RGS3: variants seen among roughly 807,000 people sequenced by gnomAD.
RGS3 encodes regulator of G protein signaling 3, also known as regulator of G-protein signalling 3.
A neutral mutation model predicts 132.6 loss-of-function variants in RGS3; 80 were observed. The ratio of observed to expected loss-of-function variants is 0.60; its 90% CI spans 0.50 to 0.73. RGS3 has a LOEUF of 0.73. Among genes scored for constraint, RGS3 ranks in the 30% least tolerant of loss-of-function variants. The pLI is 0.00. For missense variants in RGS3, 1,382 were observed against 1,530.8 expected (o/e 0.90, Z 1.62); for synonymous variants, 598 against 620.6 (o/e 0.96, Z 0.54).
At position 113,463,620 on chromosome 9, in the gene RGS3, T is replaced by G. The variant is rs1829527483; in HGVS notation, c.415+1419T>G. 1.3e-5 allele frequency: 12 copies of G among 932,046 alleles called. No homozygotes were observed. The highest frequency in any genetic ancestry group is 6.0e-5 in the East Asian group (1 of 16,754). The allele number at this position is 932,046 out of a possible 1,614,324, so 57.7% of individuals were successfully genotyped here. ...CCCGGCCCAGCTCTGCTCCGGCAGG[T>G]GGAACTCTCCCCATTCAAACCCGCG... On this transcript the variant is annotated intron_variant, in intron 3 of 24. Coordinates refer to ENST00000350696, the Ensembl canonical transcript of RGS3. This position sits in a 1 kb window ranked among gnomAD's most constrained non-coding sequence, Gnocchi z 4.6.
At chr9:113,495,726 T>C in intron 7 of RGS3, 60 bp from the exon 6 acceptor site, 1 of 1,399,372 alleles carries the variant, frequency 7.1e-7, no homozygotes, top group Non-Finnish European at 1.0e-6. Context: ...TACTTGATAA[T>C]GGACCTCCCG....
At chr9:113,543,553 T>C (rs1588228024) in intron 19 of RGS3, among the ~76,000 whole-genome samples, 1 of 152,166 alleles carries the variant, frequency 6.6e-6, no homozygotes, top group African/African-American at 2.4e-5. Context: ...AGCAGCTGGG[T>C]CTGCACAGAC....
intron 19 of RGS3, among the ~76,000 whole-genome samples, chr9:113,569,373 CA>C (rs769793448): frequency 2.0e-5 from 3 of 152,082 alleles, no homozygotes; most frequent in Non-Finnish European, 4.4e-5. Flanking sequence ...ACCTTGACAG[CA>C]GGCCGAAGGC....
chr9:113,526,301 T>A (rs1832204614), intron 17 of RGS3, among the ~76,000 whole-genome samples: 1 of 152,202 alleles, frequency 6.6e-6, no homozygotes, highest in Admixed American at 6.5e-5. Context: ...TCTTGGTTAG[T>A]CCTCATTTTC....
chr9:113,461,993 A>C (rs1480681318), intron 2 of RGS3: 2 of 1,609,056 alleles, frequency 1.2e-6, no homozygotes, highest in African/African-American at 2.7e-5. Context: ...GGCCATGGCT[A>C]ACTCATGCTC....
At chr9:113,450,425 C>T (rs1829214278) in intron 1 of RGS3, among the ~76,000 whole-genome samples, 1 of 152,154 alleles carries the variant, frequency 6.6e-6, no homozygotes, top group Non-Finnish European at 1.5e-5. Flanking sequence ...TAGGCAGATA[C>T]TAAGAAAACA....
intron 19 of RGS3, among the ~76,000 whole-genome samples, chr9:113,578,139 C>T (rs1307883408): frequency 2.0e-5 from 3 of 152,122 alleles, no homozygotes; most frequent in Non-Finnish European, 4.4e-5. Context: ...AGGGAGTGGA[C>T]AGGACTGTGA....
At position 113,479,582 on chromosome 9, in the gene RGS3, G is replaced by A. The variant is rs748666019; in HGVS notation, c.466+41G>A. On this transcript the variant is annotated intron_variant, in intron 4 of 24. Coordinates refer to ENST00000350696, the Ensembl canonical transcript of RGS3. ...TGCAGGCTCACCAAGGAAGGGGCGG[G>A]CCACTCAGCTTGCTGCCTGGGGCTG... The A allele has an allele frequency of 2.2e-5, 35 of 1,605,576 alleles. No homozygotes were observed. In the Admixed American group the frequency reaches 3.7e-4, roughly 17 times the overall value.
At chr9:113,517,459 C>G in intron 15 of RGS3, 82 bp from the exon 14 acceptor site, 3 of 1,162,962 alleles carry the variant, frequency 2.6e-6, no homozygotes, top group Non-Finnish European at 3.9e-6. Context: ...CTGTGGCTGG[C>G]TTTGACAAGC....
Position 113,506,494 on chromosome 9 carries a change from G to A in RGS3, c.1085+1G>A. 6.3e-7 allele frequency: 1 copy of A among 1,580,096 alleles called. No homozygotes were observed. Among genetic ancestry groups the A allele is most frequent in the Non-Finnish European group, 8.6e-7 (1 of 1,162,068 alleles). On this transcript the variant is annotated splice_donor_variant, in intron 12 of 24. Coordinates refer to ENST00000350696, the Ensembl canonical transcript of RGS3. LOFTEE classifies it high-confidence loss of function. The surrounding 1 kb of genome is among the most constrained non-coding windows in gnomAD (Gnocchi z 4.7). ...GTGTGGAGCTGGCCCACGAGATCCGGTGACAGGGGACAGCGGGTGGCCTGG... is the reference window on the plus strand; with the variant it reads ...GTGTGGAGCTGGCCCACGAGATCCGATGACAGGGGACAGCGGGTGGCCTGG...
At chr9:113,462,742 A>G (rs1053656021) in intron 3 of RGS3, among the ~76,000 whole-genome samples, 2 of 152,206 alleles carry the variant, frequency 1.3e-5, no homozygotes, top group Admixed American at 6.5e-5. Context: ...CTGGTACTCA[A>G]CACATAACTC....
chr9:113,517,723 T>C (rs1831749690), intron 16 of RGS3, 99 bp downstream of exon 14: 4 of 884,498 alleles, frequency 4.5e-6, no homozygotes, highest in South Asian at 1.6e-5. Flanking sequence ...TATCTTAGAA[T>C]TGTACATTCT....
chr9:113,587,531 T>G (rs934969574), intron 20 of RGS3, among the ~76,000 whole-genome samples: 1 of 152,208 alleles, frequency 6.6e-6, no homozygotes, highest in Non-Finnish European at 1.5e-5. Context: ...CCGGGAGTTG[T>G]CCCAAGGGTT....
exon 25 of RGS3, chr9:113,596,912 C>T (rs778954272): frequency 3.2e-5 from 51 of 1,612,786 alleles, no homozygotes; most frequent in Non-Finnish European, 4.2e-5. Flanking sequence ...TGACCTCTAC[C>T]TGGACCTTAT....
chr9:113,550,428 T>A (rs1833293550), intron 19 of RGS3, among the ~76,000 whole-genome samples: 2 of 152,232 alleles, frequency 1.3e-5, no homozygotes, highest in South Asian at 4.1e-4. Context: ...TAAATGCCTG[T>A]TAGTAGAGTT....
chr9:113,541,335 G>T (rs151236500), intron 19 of RGS3: 2 of 1,613,346 alleles, frequency 1.2e-6, no homozygotes, highest in East Asian at 2.2e-5. Flanking sequence ...CCACCCTTTC[G>T]GCTCTCTCCA....
chr9:113,508,701 C>A, intron 14 of RGS3, 121 bp downstream of exon 12: 1 of 896,244 alleles, frequency 1.1e-6, no homozygotes, highest in Non-Finnish European at 1.8e-6. Flanking sequence ...GGTCACTTAG[C>A]CTATCGACAC....
chr9:113,518,574 T>C (rs1292073842), intron 16 of RGS3, among the ~76,000 whole-genome samples: 3 of 152,126 alleles, frequency 2.0e-5, no homozygotes, highest in Non-Finnish European at 4.4e-5. Context: ...AGCAGGAGGT[T>C]GGTTTGTTTT....
chr9:113,459,286 A>G (rs1365326108), upstream of RGS3, among the ~76,000 whole-genome samples: 2 of 152,112 alleles, frequency 1.3e-5, no homozygotes, highest in Non-Finnish European at 2.9e-5. Flanking sequence ...ATTTTCTATA[A>G]TTTTGTCGAA....
Sources: gnomAD v4.1 joint callset for allele counts (sites outside exome capture counted in the v4.1 genomes callset) on GRCh38, gnomAD v4.1.1 for gene constraint, Gnocchi (gnomAD v3.1) non-coding constraint, MANE v1.5 for transcripts, NCBI Gene and HGNC (gene_info 2026-07-23, HGNC 2026-07-21) for gene names.